Variants in CELSR1 observed in about 807,000 individuals in gnomAD.
CELSR1 encodes cadherin EGF LAG seven-pass G-type receptor 1.
CELSR1 carries 110 observed loss-of-function variants against 249.1 expected under a neutral mutation model. The ratio of observed to expected loss-of-function variants is 0.44; its 90% CI spans 0.38 to 0.52. The LOEUF (loss-of-function observed/expected upper bound fraction) is 0.52. Among genes scored for constraint, CELSR1 ranks in the 20% least tolerant of loss-of-function variants. The pLI is 0.00. For missense variants in CELSR1, 4,109 were observed against 4,296.4 expected (o/e 0.96, Z 1.22); for synonymous variants, 2,113 against 1,900.0 (o/e 1.11, Z -2.92).
intron 33 of CELSR1, 96 bp downstream of exon 33, chr22:46,364,416 G>A: frequency 6.7e-7 from 1 of 1,491,870 alleles, no homozygotes; most frequent in Non-Finnish European, 9.0e-7. Context: ...GCCCTGACTT[G>A]CCCCACCAGC....
chr22:46,364,530 G>A lies in CELSR1; in HGVS notation c.8761C>T (p.Pro2921Ser). The A allele has an allele frequency of 6.2e-7, 1 of 1,611,084 alleles. No individual in the cohort carries two copies. The change falls in exon 33 of 35, where the codon CCC (proline) becomes TCC (serine). Residue 2921 changes from proline to serine, a missense_variant. By Grantham distance (74) the Pro-to-Ser change is moderately conservative (BLOSUM62 -1). Coordinates refer to ENST00000674500, the MANE Select transcript of CELSR1 (RefSeq NM_001378328.1). The part of the protein sequence containing the change: ...GGAARLASSQ[P>S]PEQRKGILKN... ...CAGGCACCTTTCCTCTGCTCTGGGG[G>A]CTGGCTGCTAGCAAGCCTGGCTGCG... is the stretch of plus-strand genomic sequence containing the variant.
At chr22:46,370,833 G>C (rs186228029) in intron 25 of CELSR1, among the ~76,000 whole-genome samples, 3 of 152,322 alleles carry the variant, frequency 2.0e-5, no homozygotes, top group Non-Finnish European at 4.4e-5. Flanking sequence ...TCAGTCTGAG[G>C]CTCCCCGGGA....
chr22:46,491,204 G>A (rs1043890425), intron 1 of CELSR1, among the ~76,000 whole-genome samples: 1 of 151,734 alleles, frequency 6.6e-6, no homozygotes, highest in African/African-American at 2.4e-5. Flanking sequence ...CGTCTCCTAG[G>A]GGGAAAAGCA....
intron 1 of CELSR1, among the ~76,000 whole-genome samples, chr22:46,499,381 A>G (rs2080444612): frequency 6.6e-6 from 1 of 152,166 alleles, no homozygotes; most frequent in Non-Finnish European, 1.5e-5. Flanking sequence ...TGAAAATCAC[A>G]GGCTACTTAG....
At chr22:46,432,640 G>A (rs1478124759) in intron 5 of CELSR1, among the ~76,000 whole-genome samples, 1 of 152,228 alleles carries the variant, frequency 6.6e-6, no homozygotes, top group African/African-American at 2.4e-5. Context: ...GCAAAATAAA[G>A]TGAAACCAAA....
chr22:46,494,230 G>T (rs565456146), intron 1 of CELSR1, among the ~76,000 whole-genome samples: 16 of 152,230 alleles, frequency 1.1e-4, no homozygotes, highest in African/African-American at 3.9e-4. Context: ...AATTACAGTG[G>T]CTCTATAACA....
intron 2 of CELSR1, among the ~76,000 whole-genome samples, chr22:46,458,500 C>T (rs933171365): frequency 2.6e-5 from 4 of 152,166 alleles, no homozygotes; most frequent in Non-Finnish European, 4.4e-5. Context: ...GTCATTAGGT[C>T]ATGGCAAGAG....
At chr22:46,435,868 T>C (rs2079653631) in intron 4 of CELSR1, among the ~76,000 whole-genome samples, 2 of 152,062 alleles carry the variant, frequency 1.3e-5, no homozygotes, top group African/African-American at 4.8e-5. Flanking sequence ...GCCCAGCTAA[T>C]TTTTGTACTT....
intron 3 of CELSR1, 149 bp downstream of exon 3, chr22:46,439,040 G>T (rs1348485050): frequency 2.6e-6 from 2 of 764,978 alleles, no homozygotes; most frequent in East Asian, 2.6e-5. Context: ...TTACAGGCGT[G>T]AGCCACCGCG....
At chr22:46,420,155 C>T (rs9615998) in intron 5 of CELSR1, among the ~76,000 whole-genome samples, 22,927 of 151,694 alleles carry the variant, frequency 0.15, 1,851 homozygotes, top group Non-Finnish European at 0.18. Context: ...CTCAAATGTG[C>T]CCTCACCCAC....
chr22:46,430,385 C>A lies in CELSR1; in HGVS notation c.4611+3008G>T, dbSNP rs561161685. Reference sequence around the variant, plus strand: ...GGGGCAAGGACACAGCTGGGCGGGGCAGGGGGGATGACCGTCTGCATCAGC... The same window carrying A: ...GGGGCAAGGACACAGCTGGGCGGGGAAGGGGGGATGACCGTCTGCATCAGC... On this transcript the variant is annotated intron_variant, in intron 5 of 34. Transcript: ENST00000674500. This position sits in a 1 kb window ranked among gnomAD's most constrained non-coding sequence, Gnocchi z 4.6. Among the ~76,000 whole-genome samples, 237 of 152,226 alleles carry A rather than the reference C, an allele frequency of 1.6e-3. 1 individual carries two copies. Among genetic ancestry groups the A allele is most frequent in the African/African-American group, 5.4e-3 (226 of 41,524 alleles).
chr22:46,429,553 T>G lies in CELSR1; in HGVS notation c.4611+3840A>C, dbSNP rs2079571402. 6.6e-6 allele frequency among the ~76,000 whole-genome samples: 1 copy of G among 152,260 alleles called. No homozygotes were observed. Among genetic ancestry groups the G allele is most frequent in the South Asian group, 2.1e-4 (1 of 4,836 alleles). ...ACTCCAATGTACCCTTTGGTTTTGC[T>G]GAAGGTGAATTAGACCAATAAACCT... On this transcript the variant is annotated intron_variant, in intron 5 of 34. Transcript: ENST00000674500. The surrounding 1 kb of genome is among the most constrained non-coding windows in gnomAD (Gnocchi z 4.1).
In CELSR1 at chr22:46,398,420, T is replaced by A. The variant is rs2079174462; in HGVS notation, c.5526+104A>T. The A allele has an allele frequency of 2.8e-6, 2 of 727,216 alleles. No homozygotes were observed. The highest frequency in any genetic ancestry group is 4.5e-6 in the Non-Finnish European group (2 of 444,344). The allele number at this position is 727,216 out of a possible 1,614,324, so 45.0% of individuals were successfully genotyped here. ...GCCTGTCAGACAAATTCTTCACTCG[T>A]TGAAAGCTAACAGGTTGACCAACGG... On this transcript the variant is annotated intron_variant, in intron 11 of 34. Transcript: ENST00000674500. This position sits in a 1 kb window ranked among gnomAD's most constrained non-coding sequence, Gnocchi z 7.2.
chr22:46,448,927 C>T lies in CELSR1; in HGVS notation c.4184-9516G>A, dbSNP rs893154918. Among the ~76,000 whole-genome samples the T allele has an allele frequency of 1.6e-4, 24 of 152,208 alleles. No individual in the cohort carries two copies. Among genetic ancestry groups the T allele is most frequent in the African/African-American group, 4.3e-4 (18 of 41,516 alleles). ...CACAGATAGGAGGCCAAGAGGGGAA[C>T]GTTACAGGGTTTCTAAGAGGAAAAG... On this transcript the variant is annotated intron_variant, in intron 2 of 34. Coordinates refer to ENST00000674500, the MANE Select transcript of CELSR1 (RefSeq NM_001378328.1). This position sits in a 1 kb window ranked among gnomAD's most constrained non-coding sequence, Gnocchi z 5.7.
rs773528121 is a variant in CELSR1 at position 46,373,072 on chromosome 22, GC to G, written c.7585-16del. 10 of 1,577,542 alleles carry G rather than the reference GC, an allele frequency of 6.3e-6. No homozygotes were observed. Among genetic ancestry groups the G allele is most frequent in the Admixed American group, 1.8e-5 (1 of 56,288 alleles). ...GTGCACAGAAACTGCGCAGGGAGGG[GC>G]CGCTCAGCAAGGGCCCCTGCATCCC... On this transcript the variant is annotated splice_polypyrimidine_tract_variant and intron_variant, in intron 24 of 34. Coordinates refer to ENST00000674500, the MANE Select transcript of CELSR1 (RefSeq NM_001378328.1).
In CELSR1 at chr22:46,430,261, G is replaced by A. The variant is rs1477292085; in HGVS notation, c.4611+3132C>T. Among the ~76,000 whole-genome samples the A allele has an allele frequency of 1.3e-5, 2 of 152,242 alleles. No homozygotes were observed. Among genetic ancestry groups the A allele is most frequent in the Non-Finnish European group, 2.9e-5 (2 of 68,046 alleles). Reference sequence around the variant, plus strand: ...CCAATGCTTCCACCCTCTCCAGACTGCTGTATGCTGAATTTTTTCAAGTAT... The same window carrying A: ...CCAATGCTTCCACCCTCTCCAGACTACTGTATGCTGAATTTTTTCAAGTAT... On this transcript the variant is annotated intron_variant, in intron 5 of 34. Transcript: ENST00000674500. This position sits in a 1 kb window ranked among gnomAD's most constrained non-coding sequence, Gnocchi z 4.6.
At chr22:46,494,510 T>C (rs1569201447) in intron 1 of CELSR1, among the ~76,000 whole-genome samples, 1 of 152,132 alleles carries the variant, frequency 6.6e-6, no homozygotes, top group Non-Finnish European at 1.5e-5. Context: ...TCTTAATTTA[T>C]TTTATTTTAT....
At chr22:46,388,110 T>A (rs561739094) in intron 18 of CELSR1, among the ~76,000 whole-genome samples, 2 of 152,028 alleles carry the variant, frequency 1.3e-5, no homozygotes, top group Admixed American at 1.3e-4. Flanking sequence ...ACACTTTGGG[T>A]GGCTGAAGCG....
intron 5 of CELSR1, among the ~76,000 whole-genome samples, chr22:46,422,224 G>A (rs565600564): frequency 1.3e-5 from 2 of 151,994 alleles, no homozygotes; most frequent in African/African-American, 2.4e-5. Flanking sequence ...TCCTGCCTCA[G>A]CCTCCCGAGT....
Sources: allele counts gnomAD v4.1 joint callset (sites outside exome capture counted in the v4.1 genomes callset), GRCh38; gene constraint gnomAD v4.1.1; non-coding constraint Gnocchi (gnomAD v3.1); transcripts MANE v1.5; gene names NCBI Gene and HGNC (gene_info 2026-07-23, HGNC 2026-07-21).